NAV3: variants seen among roughly 807,000 people sequenced by gnomAD.
NAV3 encodes the protein neuron navigator 3, also known as pore membrane and/or filament interacting like protein 1.
NAV3 carries 87 observed loss-of-function variants against 244.7 expected under a neutral mutation model. That is an observed-to-expected ratio of 0.36 (90% CI 0.30 to 0.42). NAV3 has a LOEUF of 0.42. Ranked by LOEUF, NAV3 falls within the 20% of genes least tolerant of loss-of-function variation. The pLI is 1.00. For synonymous variants in NAV3, 1,126 were observed against 1,042.2 expected (o/e 1.08, Z -1.55); for missense variants, 2,663 against 2,893.3 (o/e 0.92, Z 1.83).
chr12:77,665,277 A>C (rs1873665821), intron 2 of NAV3, among the ~76,000 whole-genome samples: 1 of 152,152 alleles, frequency 6.6e-6, no homozygotes, highest in African/African-American at 2.4e-5. Flanking sequence ...ATATTATTAA[A>C]CTCACTTCTT....
chr12:77,803,274 C>T (rs565032865), intron 2 of NAV3, among the ~76,000 whole-genome samples: 11 of 152,054 alleles, frequency 7.2e-5, no homozygotes, highest in Non-Finnish European at 1.6e-4. Flanking sequence ...CTATCCCTCT[C>T]CTAGCCCCCC....
intron 12 of NAV3, among the ~76,000 whole-genome samples, chr12:78,068,967 G>T (rs886657350): frequency 6.6e-6 from 1 of 151,022 alleles, no homozygotes; most frequent in Non-Finnish European, 1.5e-5. Flanking sequence ...CAAGAACTAG[G>T]CATGAATTCT....
intron 3 of NAV3, among the ~76,000 whole-genome samples, chr12:77,944,884 C>G (rs1460325346): frequency 1.3e-5 from 2 of 152,068 alleles, no homozygotes; most frequent in Non-Finnish European, 2.9e-5. Context: ...ACTACCCCAG[C>G]AAGTCAGGGC....
At chr12:77,964,612 G>A (rs1225603012) in intron 3 of NAV3, among the ~76,000 whole-genome samples, 2 of 151,912 alleles carry the variant, frequency 1.3e-5, no homozygotes, top group East Asian at 1.9e-4. Flanking sequence ...TATAGCTAGC[G>A]GCAGAATGAA....
intron 9 of NAV3, among the ~76,000 whole-genome samples, chr12:78,042,167 T>C (rs1880974172): frequency 6.6e-6 from 1 of 152,190 alleles, no homozygotes; most frequent in South Asian, 2.1e-4. Context: ...CTTTTCATGT[T>C]CTTTCTATTA....
intron 12 of NAV3, among the ~76,000 whole-genome samples, chr12:78,062,133 C>T (rs1884412641): frequency 6.6e-6 from 1 of 152,154 alleles, no homozygotes. Flanking sequence ...ATGTCTATTT[C>T]ACTCATAGAA....
chr12:77,585,914 G>A (rs1869585157), intron 2 of NAV3, among the ~76,000 whole-genome samples: 1 of 152,232 alleles, frequency 6.6e-6, no homozygotes, highest in Admixed American at 6.5e-5. Flanking sequence ...TGTAATCCCA[G>A]CACTTTGGGA....
intron 12 of NAV3, 49 bp from the exon 13 acceptor site, chr12:78,116,723 A>C (rs1347527466): frequency 6.8e-7 from 1 of 1,467,042 alleles, no homozygotes; most frequent in East Asian, 2.5e-5. Context: ...GGTGACTTGC[A>C]TTGTGCATCC....
chr12:77,787,502 A>G (rs1381348326), intron 2 of NAV3, among the ~76,000 whole-genome samples: 1 of 152,298 alleles, frequency 6.6e-6, no homozygotes, highest in Non-Finnish European at 1.5e-5. Context: ...CCTTCTTCAC[A>G]TGGTGGCGGG....
intron 12 of NAV3, among the ~76,000 whole-genome samples, chr12:78,078,297 TTC>T (rs1424754879): frequency 6.6e-6 from 1 of 150,826 alleles, no homozygotes; most frequent in Non-Finnish European, 1.5e-5. Context: ...AACATTCTCA[TTC>T]TCTTTGCTCT....
chr12:78,184,188 T>C lies in NAV3; in HGVS notation c.5693-1413T>C, dbSNP rs183838915. Among the ~76,000 whole-genome samples the C allele has an allele frequency of 3.3e-5, 5 of 152,026 alleles. No individual in the cohort carries two copies. In the Admixed American group the frequency reaches 3.3e-4, roughly 10 times the overall value. Reference sequence around the variant, plus strand: ...GAATTCACTTTCTTTCTCATCTTGGTATTCATTCCCAATATGCAGCAAAAT... The same window carrying C: ...GAATTCACTTTCTTTCTCATCTTGGCATTCATTCCCAATATGCAGCAAAAT... On this transcript the variant is annotated intron_variant, in intron 30 of 39. Coordinates refer to ENST00000397909, the MANE Select transcript of NAV3 (RefSeq NM_001024383.2).
chr12:77,983,105 G>A (rs1869862024), intron 5 of NAV3, among the ~76,000 whole-genome samples: 1 of 152,192 alleles, frequency 6.6e-6, no homozygotes, highest in South Asian at 2.1e-4. Context: ...TGTGGAAGTT[G>A]TGAACTCTAT....
chr12:78,145,994 A>G (rs1956847424), intron 20 of NAV3, among the ~76,000 whole-genome samples: 1 of 152,122 alleles, frequency 6.6e-6, no homozygotes, highest in African/African-American at 2.4e-5. Flanking sequence ...TACAATCTGT[A>G]TGAAAGATAC....
chr12:77,784,057 A>G (rs1870793560), intron 2 of NAV3, among the ~76,000 whole-genome samples: 1 of 152,144 alleles, frequency 6.6e-6, no homozygotes, highest in African/African-American at 2.4e-5. Flanking sequence ...CAGTTTTTTC[A>G]TCAATAAATG....
At chr12:77,879,668 G>T (rs557826301) in intron 1 of NAV3, among the ~76,000 whole-genome samples, 1 of 102,386 alleles carries the variant, frequency 9.8e-6, no homozygotes, top group Non-Finnish European at 1.8e-5. Context: ...GCGAAAGAGC[G>T]AAGTGAAACT....
chr12:77,627,856 C>T (rs769652600), intron 2 of NAV3, among the ~76,000 whole-genome samples: 1 of 152,070 alleles, frequency 6.6e-6, no homozygotes, highest in East Asian at 1.9e-4. Context: ...CATTAAAAGT[C>T]TTTTGCAGCA....
chr12:77,794,434 C>T (rs919311483), intron 2 of NAV3, among the ~76,000 whole-genome samples: 2 of 152,216 alleles, frequency 1.3e-5, no homozygotes, highest in Admixed American at 6.5e-5. Context: ...AGTCTCTAGT[C>T]AAGATCCCAG....
intron 2 of NAV3, among the ~76,000 whole-genome samples, chr12:77,681,589 G>A (rs992674079): frequency 2.6e-5 from 4 of 152,298 alleles, no homozygotes; most frequent in Middle Eastern, 3.4e-3. Flanking sequence ...ACCACAAACC[G>A]TGCAGTGTTA....
chr12:78,027,943 G>GTT (rs141866599), intron 9 of NAV3, among the ~76,000 whole-genome samples: 37 of 150,956 alleles, frequency 2.5e-4, no homozygotes, highest in African/African-American at 7.8e-4. Context: ...AAAAGGAAGC[G>GTT]TTTTTTTTTG....
Sources: allele counts gnomAD v4.1 joint callset (sites outside exome capture counted in the v4.1 genomes callset), GRCh38; gene constraint gnomAD v4.1.1; transcripts MANE v1.5; gene names NCBI Gene and HGNC (gene_info 2026-07-23, HGNC 2026-07-21).